DLG2: variants seen among roughly 807,000 people sequenced by gnomAD.
DLG2 encodes the protein disks large homolog 2.
In DLG2, 45 loss-of-function variants were observed where a neutral mutation model predicts 132.5. The ratio of observed to expected loss-of-function variants is 0.34; its 90% CI spans 0.27 to 0.44. The LOEUF is 0.44. Ranked by LOEUF, DLG2 falls within the 20% of genes least tolerant of loss-of-function variation. The pLI is 1.00. For missense variants in DLG2, 1,045 were observed against 1,196.9 expected (o/e 0.87, Z 1.87); for synonymous variants, 424 against 419.6 (o/e 1.01, Z -0.13).
intron 7 of DLG2, among the ~76,000 whole-genome samples, chr11:84,506,896 A>C (rs1343422114): frequency 6.6e-6 from 1 of 152,212 alleles, no homozygotes; most frequent in Non-Finnish European, 1.5e-5. Flanking sequence ...GTCTATCTTC[A>C]GTGGGGACAG....
intron 5 of DLG2, among the ~76,000 whole-genome samples, chr11:85,125,594 A>G (rs954063619): frequency 6.6e-6 from 1 of 152,180 alleles, no homozygotes. Flanking sequence ...TTTTAACTAA[A>G]TAATAACTTT....
intron 6 of DLG2, among the ~76,000 whole-genome samples, chr11:84,788,224 C>A (rs1175399268): frequency 6.6e-6 from 1 of 150,816 alleles, no homozygotes; most frequent in African/African-American, 2.4e-5. Flanking sequence ...AAATCAGTCA[C>A]AAATAATGGG....
At chr11:84,371,616 T>A (rs984816639) in intron 7 of DLG2, among the ~76,000 whole-genome samples, 17 of 152,108 alleles carry the variant, frequency 1.1e-4, no homozygotes, top group Non-Finnish European at 8.8e-5. Flanking sequence ...ACTACTAAGA[T>A]CAATTAACAT....
At chr11:84,598,324 C>A (rs886726940) in intron 6 of DLG2, among the ~76,000 whole-genome samples, 1 of 152,124 alleles carries the variant, frequency 6.6e-6, no homozygotes, top group African/African-American at 2.4e-5. Context: ...TAAATTTGGG[C>A]AACCCTTGAT....
chr11:85,094,401 G>C (rs991503491), intron 6 of DLG2, among the ~76,000 whole-genome samples: 1 of 152,180 alleles, frequency 6.6e-6, no homozygotes, highest in African/African-American at 2.4e-5. Context: ...GAAAGTTCTA[G>C]GTAGCACCTT....
At chr11:84,047,957 GGAGA>G (rs1246855087) in intron 11 of DLG2, among the ~76,000 whole-genome samples, 2 of 151,496 alleles carry the variant, frequency 1.3e-5, no homozygotes, top group African/African-American at 2.4e-5. Flanking sequence ...CACAATCTTA[GGAGA>G]GAGCTTGTTT....
chr11:84,920,613 G>A (rs1002542598), intron 6 of DLG2, among the ~76,000 whole-genome samples: 1 of 152,042 alleles, frequency 6.6e-6, no homozygotes, highest in African/African-American at 2.4e-5. Flanking sequence ...TAGTTTCCAA[G>A]ACTCTAACAT....
At chr11:84,189,226 A>G (rs568244975) in intron 8 of DLG2, among the ~76,000 whole-genome samples, 2 of 152,314 alleles carry the variant, frequency 1.3e-5, no homozygotes, top group East Asian at 1.9e-4. Flanking sequence ...ATGAATAAAA[A>G]GCTCAACATC....
At chr11:83,973,825 A>G (rs995593595) in intron 12 of DLG2, among the ~76,000 whole-genome samples, 1 of 152,096 alleles carries the variant, frequency 6.6e-6, no homozygotes, top group African/African-American at 2.4e-5. Context: ...TCAAATGTGT[A>G]ACCAAAATCA....
At chr11:83,591,347 C>T (rs1242331283) in intron 19 of DLG2, among the ~76,000 whole-genome samples, 5 of 122,014 alleles carry the variant, frequency 4.1e-5, no homozygotes, top group Non-Finnish European at 8.4e-5. Flanking sequence ...ATACGCAAAT[C>T]AATAAATGTA....
intron 3 of DLG2, among the ~76,000 whole-genome samples, chr11:85,407,113 G>C (rs547627084): frequency 2.0e-5 from 3 of 151,778 alleles, no homozygotes; most frequent in African/African-American, 4.8e-5. Flanking sequence ...GTGAGAGAAC[G>C]AAAAATCATA....
intron 6 of DLG2, among the ~76,000 whole-genome samples, chr11:84,927,762 C>A (rs748660367): frequency 2.6e-5 from 4 of 151,916 alleles, no homozygotes; most frequent in South Asian, 2.1e-4. Context: ...TAAAAATGTA[C>A]ACCATTTCTT....
At chr11:84,317,138 G>A (rs1291537472) in intron 7 of DLG2, 1 of 1,611,478 alleles carries the variant, frequency 6.2e-7, no homozygotes, top group Non-Finnish European at 8.5e-7. Flanking sequence ...GGTGAGGTAT[G>A]CATTCATACT....
intron 11 of DLG2, among the ~76,000 whole-genome samples, chr11:84,010,471 G>C (rs2094827620): frequency 6.6e-6 from 1 of 151,622 alleles, no homozygotes; most frequent in South Asian, 2.1e-4. Flanking sequence ...TTTTTATTTA[G>C]TTTTATTTTT....
At chr11:84,722,625 T>A (rs1010083274) in intron 6 of DLG2, among the ~76,000 whole-genome samples, 4 of 152,180 alleles carry the variant, frequency 2.6e-5, no homozygotes, top group African/African-American at 9.6e-5. Context: ...AGAATGTCAA[T>A]AAATCTACAT....
intron 8 of DLG2, among the ~76,000 whole-genome samples, chr11:84,183,816 A>G (rs36142496): frequency 0.065 from 9,831 of 152,160 alleles, 391 homozygotes; most frequent in African/African-American, 0.1. Context: ...ATGAATGAGA[A>G]CATGTGGTGC....
intron 4 of DLG2, among the ~76,000 whole-genome samples, chr11:85,242,603 C>T (rs1363996254): frequency 6.6e-6 from 1 of 151,698 alleles, no homozygotes; most frequent in Non-Finnish European, 1.5e-5. Flanking sequence ...TTTCAACAAC[C>T]TAATCCATTT....
intron 17 of DLG2, among the ~76,000 whole-genome samples, chr11:83,796,418 C>T (rs2042843755): frequency 1.3e-5 from 2 of 152,172 alleles, no homozygotes; most frequent in South Asian, 4.1e-4. Flanking sequence ...CTATATGATC[C>T]TAATATTTGA....
intron 3 of DLG2, among the ~76,000 whole-genome samples, chr11:85,552,475 C>T (rs2076719555): frequency 6.6e-6 from 1 of 150,528 alleles, no homozygotes; most frequent in Admixed American, 6.6e-5. Flanking sequence ...AAACAGCACC[C>T]TCCCAAAAAA....
Sources: gnomAD v4.1 joint callset for allele counts (sites outside exome capture counted in the v4.1 genomes callset) on GRCh38, gnomAD v4.1.1 for gene constraint, MANE v1.5 for transcripts, NCBI Gene and HGNC (gene_info 2026-07-23, HGNC 2026-07-21) for gene names.